The following SLC26A8 variants were observed in gnomAD, a reference collection of about 807,000 sequenced individuals.
SLC26A8 encodes the protein testis anion transporter 1.
In SLC26A8, 70 loss-of-function variants were observed where a neutral mutation model predicts 105.0. The ratio of observed to expected loss-of-function variants is 0.67; its 90% confidence interval spans 0.55 to 0.81. The LOEUF (loss-of-function observed/expected upper bound fraction) is 0.81, where lower values mean the gene tolerates loss of function less well. Ranked by LOEUF, SLC26A8 falls within the 40% of genes least tolerant of loss-of-function variation. The pLI is 0.00. For missense variants in SLC26A8, 998 were observed against 1,181.8 expected (o/e 0.84, Z 2.28); for synonymous variants, 415 against 438.3 (o/e 0.95, Z 0.66).
At chr6:36,022,265 C>A (rs1762145572) in intron 1 of SLC26A8, among the ~76,000 whole-genome samples, 1 of 152,186 alleles carries the variant, frequency 6.6e-6, no homozygotes. Context: ...CTGCGCCTGG[C>A]CTATTTAAAG....
At chr6:36,001,191 C>T (rs548738093) in intron 3 of SLC26A8, among the ~76,000 whole-genome samples, 109 of 151,992 alleles carry the variant, frequency 7.2e-4, no homozygotes, top group African/African-American at 2.0e-3. Flanking sequence ...TGCAGTGGCG[C>T]GATCTCGGCT....
chr6:35,966,897 G>A (rs1772538656), intron 11 of SLC26A8, among the ~76,000 whole-genome samples: 3 of 152,090 alleles, frequency 2.0e-5, no homozygotes, highest in African/African-American at 7.2e-5. Flanking sequence ...TAATAAAGGA[G>A]TCCCAAATTT....
intron 7 of SLC26A8, among the ~76,000 whole-genome samples, chr6:35,988,986 G>A (rs547155462): frequency 1.3e-5 from 2 of 151,810 alleles, no homozygotes; most frequent in Admixed American, 6.6e-5. Flanking sequence ...AACTATGGGC[G>A]CCTGCCACCT....
At chr6:35,979,400 C>T (rs926451327) in intron 8 of SLC26A8, among the ~76,000 whole-genome samples, 23 of 151,934 alleles carry the variant, frequency 1.5e-4, no homozygotes, top group African/African-American at 3.6e-4. Flanking sequence ...GGCATGAACC[C>T]GGGAGGCGGA....
At chr6:35,945,148 C>G (rs1230540576) in intron 19 of SLC26A8, among the ~76,000 whole-genome samples, 4 of 152,164 alleles carry the variant, frequency 2.6e-5, no homozygotes, top group Non-Finnish European at 5.9e-5. Flanking sequence ...CTGTGCCCAA[C>G]CTTTATTTAT....
At position 35,959,808 on chromosome 6, in the gene SLC26A8, T is replaced by C. The variant is rs1772240855; in HGVS notation, c.1639-2A>G. The C allele has an allele frequency of 1.9e-6, 3 of 1,603,124 alleles. No individual in the cohort carries two copies. The highest frequency in any genetic ancestry group is 1.7e-4 in the Middle Eastern group (1 of 6,028). ...TTTCACCCCAGGAATGGTGATGATC[T>C]GCAAGACAAAATGTGAAGTTGAGGG... On this transcript the variant is annotated splice_acceptor_variant, in intron 14 of 19. Transcript: ENST00000490799. LOFTEE classifies it high-confidence loss of function.
chr6:36,008,233 G>A (rs115621173), intron 3 of SLC26A8, among the ~76,000 whole-genome samples: 2,059 of 152,080 alleles, frequency 0.014, 53 homozygotes, highest in African/African-American at 0.047. Flanking sequence ...GTTCTAGACT[G>A]CAGTGAGCTA....
Position 35,943,610 on chromosome 6 carries a change from C to A in SLC26A8, c.*290G>T. ...AGTTAGAGATGGTCTGGCACAAAGC[C>A]CAGAGATGTGGGGTGTGTGAAGAAG... is the stretch of plus-strand genomic sequence containing the variant. On this transcript the variant is annotated 3_prime_UTR_variant, in exon 20 of 20. Transcript: ENST00000490799. 1 of 354,924 alleles carries A rather than the reference C, an allele frequency of 2.8e-6. No individual in the cohort carries two copies. The highest frequency in any genetic ancestry group is 4.0e-5 in the Admixed American group (1 of 24,978). The allele number at this position is 354,924 out of a possible 1,614,324, so 22.0% of individuals were successfully genotyped here. A position where few individuals can be genotyped will look rare whatever the true frequency, so the allele number is the denominator to read the frequency against.
At position 35,951,335 on chromosome 6, in the gene SLC26A8, C is replaced by T; in HGVS notation, c.2300G>A (p.Arg767Lys). 1 of 1,614,140 alleles carries T rather than the reference C, an allele frequency of 6.2e-7. No homozygotes were observed. Among genetic ancestry groups the T allele is most frequent in the Non-Finnish European group, 8.5e-7 (1 of 1,180,026 alleles). The part of the protein sequence containing the change: ...LIAGCHSSIV[R>K]AFERNDFFDA... ...AAAGAAATCATTCCTCTCAAATGCC[C>T]TGACTATGGAAGCTAAAAACCAAAC... The change falls in exon 19 of 20, where the codon AGG (arginine) becomes AAG (lysine). Residue 767 changes from arginine to lysine, a missense_variant. Physicochemically the swap from Arg to Lys is conservative, Grantham distance 26. Transcript: ENST00000490799.
chr6:35,951,919 G>T (rs1022243355), intron 17 of SLC26A8, among the ~76,000 whole-genome samples: 6 of 152,122 alleles, frequency 3.9e-5, no homozygotes, highest in Non-Finnish European at 7.3e-5. Context: ...CACTTGTCTG[G>T]GGGTATATGT....
chr6:35,999,096 A>G (rs917379068), intron 4 of SLC26A8, among the ~76,000 whole-genome samples: 24 of 152,090 alleles, frequency 1.6e-4, no homozygotes, highest in African/African-American at 5.3e-4. Context: ...GGGTTTCACT[A>G]TGTTAGCCAG....
intron 1 of SLC26A8, among the ~76,000 whole-genome samples, chr6:36,022,055 C>T (rs1762140156): frequency 6.6e-6 from 1 of 152,130 alleles, no homozygotes; most frequent in South Asian, 2.1e-4. Context: ...GCAACCTCCA[C>T]CTCCCAGGTT....
At chr6:35,975,549 T>A (rs1165707428) in intron 9 of SLC26A8, 61 bp from the exon 10 acceptor site, 3 of 959,756 alleles carry the variant, frequency 3.1e-6, no homozygotes, top group South Asian at 1.5e-5. Flanking sequence ...TGATTTTGAG[T>A]TGAAGGCATA....
intron 2 of SLC26A8, among the ~76,000 whole-genome samples, chr6:36,018,361 AT>A (rs1762046765): frequency 6.6e-6 from 1 of 152,236 alleles, no homozygotes; most frequent in Non-Finnish European, 1.5e-5. Context: ...ACATGCTACA[AT>A]ATGGATGAAT....
chr6:36,000,245 C>G (rs933089633), intron 3 of SLC26A8, 137 bp from the exon 4 acceptor site: 2 of 616,510 alleles, frequency 3.2e-6, no homozygotes, highest in African/African-American at 3.7e-5. Flanking sequence ...TCTGGACATA[C>G]AATCCTTCAT....
At chr6:35,982,858 A>G (rs1773334322) in intron 7 of SLC26A8, among the ~76,000 whole-genome samples, 1 of 152,230 alleles carries the variant, frequency 6.6e-6, no homozygotes, top group Non-Finnish European at 1.5e-5. Context: ...AAAGTTCTGT[A>G]GCAAAGCAAC....
chr6:35,975,530 G>A, intron 9 of SLC26A8, 42 bp from the exon 10 acceptor site: 1 of 1,220,278 alleles, frequency 8.2e-7, no homozygotes, highest in Non-Finnish European at 1.2e-6. Context: ...CGTTTTTGTT[G>A]AAGAATGCTG....
chr6:36,010,572 T>C (rs1761828075), intron 3 of SLC26A8, among the ~76,000 whole-genome samples: 1 of 144,708 alleles, frequency 6.9e-6, no homozygotes, highest in Admixed American at 7.2e-5. Flanking sequence ...GGAGTCTCGC[T>C]CTGTCACCCA....
chr6:35,982,004 A>G, intron 8 of SLC26A8, 117 bp downstream of exon 8: 1 of 1,026,032 alleles, frequency 9.7e-7, no homozygotes, highest in Non-Finnish European at 1.5e-6. Context: ...GTGTTCAAAA[A>G]TGAATTTTGC....
Sources: gnomAD v4.1 joint callset for allele counts (sites outside exome capture counted in the v4.1 genomes callset) on GRCh38, gnomAD v4.1.1 for gene constraint, MANE v1.5 for transcripts, NCBI Gene and HGNC (gene_info 2026-07-23, HGNC 2026-07-21) for gene names.